CDHR5: variants seen among roughly 807,000 people sequenced by gnomAD.
The protein encoded by CDHR5 is cadherin-related family member 5.
Under a neutral mutation model 69.5 loss-of-function variants are expected in CDHR5, and 82 were observed. That is an observed-to-expected ratio of 1.18 (90% CI 0.99 to 1.42). CDHR5 has a LOEUF of 1.42. CDHR5 is among the 40% of genes most tolerant of loss of function. The probability of loss-of-function intolerance (pLI) is 0.00; values close to 1 mark genes in which losing one functional copy is unlikely to be tolerated. For missense variants in CDHR5, 1,293 were observed against 1,168.9 expected (o/e 1.11, Z -1.55); for synonymous variants, 601 against 510.2 (o/e 1.18, Z -2.40).
At position 619,358 on chromosome 11, in the gene CDHR5, G is replaced by C. The variant is rs554991911; in HGVS notation, c.1326C>G (p.Thr442=). The C allele has an allele frequency of 7.4e-6, 12 of 1,613,670 alleles. No individual in the cohort carries two copies. In the East Asian group the frequency reaches 2.7e-4, roughly 36 times the overall value. ...VEAHNTVTSG[T]ATTVIEIQVS... is the part of the protein sequence containing the mutation. The stretch of plus-strand genomic sequence containing the variant: ...CTTGTATCTCAATGACTGTGGTTGC[G>C]GTGCCAGAGGTCACCGTGTTGTGGG... The change falls in exon 12 of 15, where the codon ACC becomes ACG. Residue 442 remains threonine, a synonymous_variant. Coordinates refer to ENST00000397542, the MANE Select transcript of CDHR5 (RefSeq NM_021924.5).
chr11:621,625 T>G lies in CDHR5; in HGVS notation c.444A>C (p.Gln148His), dbSNP rs757079980. 8 of 1,613,744 alleles carry G rather than the reference T, an allele frequency of 5.0e-6. No individual in the cohort carries two copies. In the Admixed American group the frequency reaches 1.3e-4, roughly 27 times the overall value. ...KVNSTVIPETQLQAEDRDKDD... is the reference protein window; with the variant it reads ...KVNSTVIPETHLQAEDRDKDD... ...CCTTGTCGCGGTCCTCAGCCTGCAGTTGCGTCTCGGGGATGACGGTGGAGT... is the reference window on the plus strand; with the variant it reads ...CCTTGTCGCGGTCCTCAGCCTGCAGGTGCGTCTCGGGGATGACGGTGGAGT... The change falls in exon 5 of 15, where the codon CAA becomes CAC. Residue 148 changes from glutamine to histidine, a missense_variant. Physicochemically the swap from Gln to His is conservative, Grantham distance 24. Transcript: ENST00000397542. This position sits in a 1 kb window ranked among gnomAD's most constrained non-coding sequence, Gnocchi z 4.4.
rs1242887152 is a variant in CDHR5 at position 620,048 on chromosome 11, A to G, written c.978+19T>C. 1 of 1,167,584 alleles carries G rather than the reference A, an allele frequency of 8.6e-7. No homozygotes were observed. Among genetic ancestry groups the G allele is most frequent in the Non-Finnish European group, 1.2e-6 (1 of 867,714 alleles). The allele number at this position is 1,167,584 out of a possible 1,614,324, so 72.3% of individuals were successfully genotyped here. The stretch of plus-strand genomic sequence containing the variant: ...CCCTTCCCCCTCTGCCCTGCCCCCC[A>G]TGCAGGTGCCCACCTCACCTTCACC... On this transcript the variant is annotated intron_variant, in intron 9 of 14. Coordinates refer to ENST00000397542, the MANE Select transcript of CDHR5 (RefSeq NM_021924.5).
In CDHR5 at chr11:619,826, A is replaced by G; in HGVS notation, c.1034T>C (p.Val345Ala). ...YSVTQVTVEA[V>A]AAAGSPPRFP... ...GCGGGGCGGGCTCCCGGCCGCAGCCACAGCCTCCACGGTGACCTGGGTCAC... is the reference window on the plus strand; with the variant it reads ...GCGGGGCGGGCTCCCGGCCGCAGCCGCAGCCTCCACGGTGACCTGGGTCAC... The change falls in exon 10 of 15, where the codon GTG (valine) becomes GCG (alanine). Residue 345 changes from valine (V) to alanine (A), a missense_variant. Val to Ala is a moderately conservative substitution (Grantham distance 64, BLOSUM62 0). Transcript: ENST00000397542. The G allele has an allele frequency of 6.4e-7, 1 of 1,573,544 alleles. No homozygotes were observed. Among genetic ancestry groups the G allele is most frequent in the Non-Finnish European group, 8.6e-7 (1 of 1,163,660 alleles).
chr11:622,551 C>T (rs1857475134), intron 3 of CDHR5, among the ~76,000 whole-genome samples: 1 of 150,596 alleles, frequency 6.6e-6, no homozygotes, highest in African/African-American at 2.5e-5. Flanking sequence ...CCTCTGCCTC[C>T]CAGGTTCAAG....
rs762019954 is a variant in CDHR5, at chr11:621,442, T to G, written c.521A>C (p.Tyr174Ser). The change falls in exon 6 of 15, where the codon TAC becomes TCC. Residue 174 changes from tyrosine (Y) to serine (S), a missense_variant. Coordinates refer to ENST00000397542, the MANE Select transcript of CDHR5 (RefSeq NM_021924.5). This position sits in a 1 kb window ranked among gnomAD's most constrained non-coding sequence, Gnocchi z 4.4. ...ACGGTTTACACTCACCAGGGAGAAG[T>G]AGTCACTGGCACCCTGGGGAGGGTC... The part of the protein sequence containing the change: ...LQEMTAGASD[Y>S]FSLVSVNRPA... The G allele has an allele frequency of 6.2e-7, 1 of 1,612,314 alleles. No homozygotes were observed.
In CDHR5 at chr11:624,015, G is replaced by T. The variant is rs1474581137; in HGVS notation, c.312+198C>A. 1.3e-5 allele frequency among the ~76,000 whole-genome samples: 2 copies of T among 152,138 alleles called. No individual in the cohort carries two copies. The highest frequency in any genetic ancestry group is 2.9e-5 in the Non-Finnish European group (2 of 68,014). On this transcript the variant is annotated intron_variant, in intron 3 of 14. Coordinates refer to ENST00000397542, the MANE Select transcript of CDHR5 (RefSeq NM_021924.5). This position sits in a 1 kb window ranked among gnomAD's most constrained non-coding sequence, Gnocchi z 5.3. Reference sequence around the variant, plus strand: ...CTTGGGCACACTGGATGGGGTGTCTGCTGGACAAGGGGTCAGTGACGGGGA... The same window carrying T: ...CTTGGGCACACTGGATGGGGTGTCTTCTGGACAAGGGGTCAGTGACGGGGA...
Position 621,664 on chromosome 11 carries a change from C to T in CDHR5, c.406-1G>A. The stretch of plus-strand genomic sequence containing the variant: ...TGACGGTGGAGTTCACTTTCGTGTC[C>T]TGGGGAGGGAGAGGGGCTTGGTCCG... On this transcript the variant is annotated splice_acceptor_variant, in intron 4 of 14. Coordinates refer to ENST00000397542, the MANE Select transcript of CDHR5 (RefSeq NM_021924.5). LOFTEE classifies it high-confidence loss of function. This position sits in a 1 kb window ranked among gnomAD's most constrained non-coding sequence, Gnocchi z 4.4. The T allele has an allele frequency of 6.2e-7, 1 of 1,610,380 alleles. No homozygotes were observed. The highest frequency in any genetic ancestry group is 8.5e-7 in the Non-Finnish European group (1 of 1,176,832).
chr11:623,259 A>T lies in CDHR5; in HGVS notation c.312+954T>A, dbSNP rs373464747. ...GGGAGGCGGAAGTTGCAGTGAGCCG[A>T]GATCGCTCCACTGCACGCCAGCCTG... On this transcript the variant is annotated intron_variant, in intron 3 of 14. Coordinates refer to ENST00000397542, the MANE Select transcript of CDHR5 (RefSeq NM_021924.5). 6.6e-5 allele frequency among the ~76,000 whole-genome samples: 10 copies of T among 152,312 alleles called. No homozygotes were observed. In the East Asian group the frequency reaches 1.5e-3, roughly 24 times the overall value.
At chr11:619,654 A>AG (rs769576531) in intron 10 of CDHR5, 27 bp downstream of exon 10, 46 of 1,611,456 alleles carry the variant, frequency 2.9e-5, no homozygotes, top group Non-Finnish European at 3.6e-5. Context: ...CCACCCACAG[A>AG]GGGGAGGCCT....
At chr11:623,349 T>C (rs183163056) in intron 3 of CDHR5, among the ~76,000 whole-genome samples, 28 of 152,258 alleles carry the variant, frequency 1.8e-4, no homozygotes, top group Admixed American at 1.1e-3. Context: ...TCCCAAGATA[T>C]GTGCAGGTGA....
rs1856965977 is a variant in CDHR5, at chr11:617,254, G to A, written c.*97C>T. On this transcript the variant is annotated 3_prime_UTR_variant, in exon 15 of 15. Transcript: ENST00000397542. Reference sequence around the variant, plus strand: ...CGCGCCTGCCCCACGCCATGGCCTGGGTTTCGGGAGCCTTGCTTTATTCTG... The same window carrying A: ...CGCGCCTGCCCCACGCCATGGCCTGAGTTTCGGGAGCCTTGCTTTATTCTG... The A allele has an allele frequency of 3.0e-6, 3 of 1,005,810 alleles. No individual in the cohort carries two copies. Among genetic ancestry groups the A allele is most frequent in the South Asian group, 3.2e-5 (2 of 63,484 alleles). The allele number at this position is 1,005,810 out of a possible 1,614,324, so 62.3% of individuals were successfully genotyped here. A position where few individuals can be genotyped will look rare whatever the true frequency, so the allele number is the denominator to read the frequency against.
In CDHR5 at chr11:621,318, G is replaced by A; in HGVS notation, c.618+27C>T. 1 of 1,611,444 alleles carries A rather than the reference G, an allele frequency of 6.2e-7. No homozygotes were observed. The highest frequency in any genetic ancestry group is 8.5e-7 in the Non-Finnish European group (1 of 1,178,444). On this transcript the variant is annotated intron_variant, in intron 6 of 14. Coordinates refer to ENST00000397542, the MANE Select transcript of CDHR5 (RefSeq NM_021924.5). The surrounding 1 kb of genome is among the most constrained non-coding windows in gnomAD (Gnocchi z 4.4). ...GGGCCGGGGGGCCTCAAGTGTGTGG[G>A]ACTCGGGGCTGGGGTGACCTGCTCA...
intron 14 of CDHR5, 49 bp from the exon 15 acceptor site, chr11:617,819 C>T (rs1361096560): frequency 6.8e-7 from 1 of 1,466,222 alleles, no homozygotes; most frequent in South Asian, 1.4e-5. Context: ...TCTCTGCAGC[C>T]TTGGCCCTGC....
At position 624,189 on chromosome 11, in the gene CDHR5, G is replaced by T. The variant is rs769557066; in HGVS notation, c.312+24C>A. 2.7e-6 allele frequency: 2 copies of T among 746,878 alleles called. No individual in the cohort carries two copies. The highest frequency in any genetic ancestry group is 2.5e-5 in the East Asian group (1 of 39,856). The allele number at this position is 746,878 out of a possible 1,614,324, so 46.3% of individuals were successfully genotyped here. On this transcript the variant is annotated intron_variant, in intron 3 of 14. Coordinates refer to ENST00000397542, the MANE Select transcript of CDHR5 (RefSeq NM_021924.5). The surrounding 1 kb of genome is among the most constrained non-coding windows in gnomAD (Gnocchi z 5.3). ...CCCAGCAGAGGTGGCCGGGTGGGGC[G>T]GGGAGAGCGGGGCGGGGACTCACCA... is the stretch of plus-strand genomic sequence containing the variant.
intron 3 of CDHR5, among the ~76,000 whole-genome samples, chr11:622,723 G>T (rs1315922047): frequency 1.3e-5 from 2 of 151,260 alleles, no homozygotes; most frequent in African/African-American, 4.9e-5. Context: ...TGATCTACCC[G>T]CCTCGGCCTC....
Position 622,046 on chromosome 11 carries a change from A to C in CDHR5, c.313-142T>G, listed in dbSNP as rs2133209447. On this transcript the variant is annotated intron_variant, in intron 3 of 14. Transcript: ENST00000397542. ...CGCCCTAAGTGAGGTGCACCCCTCGACGGCCACCCGTCCCTGCTGTGAGTG... is the reference window on the plus strand; with the variant it reads ...CGCCCTAAGTGAGGTGCACCCCTCGCCGGCCACCCGTCCCTGCTGTGAGTG... 4 of 632,398 alleles carry C rather than the reference A, an allele frequency of 6.3e-6. No homozygotes were observed. In the East Asian group the frequency reaches 1.1e-4, roughly 17 times the overall value. 39.2% of individuals were successfully genotyped at this position (632,398 alleles called of 1,614,324 possible).
At position 624,674 on chromosome 11, in the gene CDHR5, C is replaced by T. The variant is rs72844723; in HGVS notation, c.144G>A (p.Pro48=). The change falls in exon 2 of 15, where the codon CCG becomes CCA. Residue 48 remains proline (P), a synonymous_variant. Transcript: ENST00000397542. This position sits in a 1 kb window ranked among gnomAD's most constrained non-coding sequence, Gnocchi z 5.3. Reference sequence around the variant, plus strand: ...CCTCCGGGACGTGGATGTCCACCAGCGGCTCGGTGACATTTGTGTTCTCCT... The same window carrying T: ...CCTCCGGGACGTGGATGTCCACCAGTGGCTCGGTGACATTTGTGTTCTCCT... ...EVEENTNVTE[P]LVDIHVPEGQ... 0.018 allele frequency: 29,766 copies of T among 1,613,254 alleles called. 376 individuals carry two copies. Among genetic ancestry groups the T allele is most frequent in the African/African-American group, 0.057 (4,280 of 75,018 alleles).
rs748198900 is a variant in CDHR5 at position 617,417 on chromosome 11, C to G, written c.2472G>C (p.Glu824Asp). 6 of 1,611,988 alleles carry G rather than the reference C, an allele frequency of 3.7e-6. No homozygotes were observed. The South Asian group carries it at 4.4e-5, about 12-fold the overall frequency. ...DGASDSGSGD[E>D]GEGAGRGGGP... ...CCCCACCCCTCCCCGCGCCCTCGCC[C>G]TCATCGCCGCTGCCGGAGTCACTGG... is the stretch of plus-strand genomic sequence containing the variant. The change falls in exon 15 of 15, where the codon GAG (glutamate) becomes GAC (aspartate). Residue 824 changes from glutamate to aspartate, a missense_variant. By Grantham distance (45) the Glu-to-Asp change is conservative. Coordinates refer to ENST00000397542, the MANE Select transcript of CDHR5 (RefSeq NM_021924.5).
intron 9 of CDHR5, 59 bp downstream of exon 9, chr11:620,008 C>T (rs1857270771): frequency 1.5e-6 from 2 of 1,336,594 alleles, no homozygotes; most frequent in East Asian, 2.5e-5. Flanking sequence ...CCCTGACCCC[C>T]CGCCCTACCT....
Sources: allele counts gnomAD v4.1 joint callset (sites outside exome capture counted in the v4.1 genomes callset), GRCh38; gene constraint gnomAD v4.1.1; non-coding constraint Gnocchi (gnomAD v3.1); transcripts MANE v1.5; gene names NCBI Gene and HGNC (gene_info 2026-07-23, HGNC 2026-07-21).